The following PTPRA variants were observed in gnomAD, a reference collection of about 807,000 sequenced individuals.
The protein encoded by PTPRA is receptor-type tyrosine-protein phosphatase alpha.
A neutral mutation model predicts 104.8 loss-of-function variants in PTPRA; 25 were observed. The ratio of observed to expected loss-of-function variants is 0.24; its 90% CI spans 0.17 to 0.33. PTPRA has a LOEUF of 0.33. Among genes scored for constraint, PTPRA ranks in the 10% least tolerant of loss-of-function variants. The probability of loss-of-function intolerance (pLI) is 1.00; values close to 1 mark genes in which losing one functional copy is unlikely to be tolerated. For missense variants in PTPRA, 765 were observed against 1,015.3 expected (o/e 0.75, Z 3.35); for synonymous variants, 323 against 368.9 (o/e 0.88, Z 1.43).
At chr20:2,948,165 T>G in intron 3 of PTPRA, 141 bp downstream of exon 3, 1 of 380,850 alleles carries the variant, frequency 2.6e-6, no homozygotes, top group Non-Finnish European at 4.9e-6. Flanking sequence ...TGCATTTTAC[T>G]GAGACCGATA....
At chr20:2,865,260 G>A in the PTPRA span, 1 of 1,614,140 alleles carries the variant, frequency 6.2e-7, no homozygotes, top group Admixed American at 1.7e-5. This position sits in a 1 kb window ranked among gnomAD's most constrained non-coding sequence, Gnocchi z 5.2. Flanking sequence ...CTCATTCTTG[G>A]CGGTCACAAC....
intron 1 of PTPRA, among the ~76,000 whole-genome samples, chr20:2,891,987 A>C (rs889525038): frequency 2.6e-5 from 4 of 152,000 alleles, no homozygotes; most frequent in Non-Finnish European, 4.4e-5. Context: ...TGTGCAACCC[A>C]CAGATAGAGA....
intron 3 of PTPRA, among the ~76,000 whole-genome samples, chr20:2,957,183 G>T (rs1014994747): frequency 2.0e-5 from 3 of 152,206 alleles, no homozygotes; most frequent in African/African-American, 7.2e-5. Context: ...TACTCGGAAG[G>T]CTGAGGCAGG....
rs753461871 is a variant in PTPRA, at chr20:3,015,832, C to A, written c.907-17C>A. 3 of 1,539,552 alleles carry A rather than the reference C, an allele frequency of 1.9e-6. No individual in the cohort carries two copies. Among genetic ancestry groups the A allele is most frequent in the Non-Finnish European group, 2.7e-6 (3 of 1,115,416 alleles). On this transcript the variant is annotated splice_polypyrimidine_tract_variant and intron_variant, in intron 11 of 23. Coordinates refer to ENST00000399903, the MANE Select transcript of PTPRA (RefSeq NM_001385305.1). ...TTTGGTTTTCTCTTTCTTTTTCTTT[C>A]CTTCCCCACACCCCAGGGCTACCAA...
intron 20 of PTPRA, among the ~76,000 whole-genome samples, chr20:3,029,116 A>ATT (rs11475978): frequency 2.4e-4 from 8 of 33,468 alleles, no homozygotes; most frequent in African/African-American, 1.3e-3. Context: ...TTACATCAGG[A>ATT]TTTTTTTTTT....
At chr20:2,984,167 C>G (rs1302101023) in intron 6 of PTPRA, among the ~76,000 whole-genome samples, 1 of 152,142 alleles carries the variant, frequency 6.6e-6, no homozygotes, top group Non-Finnish European at 1.5e-5. Flanking sequence ...TTACCATTAA[C>G]AAAGAAGCGT....
intron 1 of PTPRA, among the ~76,000 whole-genome samples, chr20:2,897,726 C>T (rs1337623363): frequency 6.6e-6 from 1 of 151,958 alleles, no homozygotes; most frequent in Non-Finnish European, 1.5e-5. Flanking sequence ...AGCTTTCTCT[C>T]TCTGGTTTTT....
the PTPRA span, chr20:2,866,448 A>T: frequency 3.7e-6 from 6 of 1,614,196 alleles, no homozygotes; most frequent in Admixed American, 5.0e-5. Flanking sequence ...CTCAGGCTGC[A>T]GATGTGGCCA....
At chr20:2,899,811 A>G (rs1023903446) in intron 1 of PTPRA, among the ~76,000 whole-genome samples, 4 of 152,076 alleles carry the variant, frequency 2.6e-5, no homozygotes, top group African/African-American at 9.7e-5. Flanking sequence ...CTTTTCTGAC[A>G]TTGAAAAATC....
At chr20:2,910,393 T>TA (rs2059652524) in intron 1 of PTPRA, among the ~76,000 whole-genome samples, 6 of 108,834 alleles carry the variant, frequency 5.5e-5, no homozygotes, top group Admixed American at 4.5e-4. Context: ...ATATATTTTA[T>TA]ATATAATATA....
rs1568714483 is a variant in PTPRA at position 3,038,295 on chromosome 20, T to TTAG, written c.*163_*165dup. ...GGTGGAAATTTTATATGTAAATGTG[T>TTAG]TAGCACTGATAGTCCTTTTTCCAAT... On this transcript the variant is annotated 3_prime_UTR_variant, in exon 24 of 24. Coordinates refer to ENST00000399903, the MANE Select transcript of PTPRA (RefSeq NM_001385305.1). The TTAG allele has an allele frequency of 6.6e-6, 4 of 604,378 alleles. No homozygotes were observed. Among genetic ancestry groups the TTAG allele is most frequent in the South Asian group, 2.1e-5 (1 of 47,688 alleles). The allele number at this position is 604,378 out of a possible 1,614,324, so 37.4% of individuals were successfully genotyped here.
At chr20:2,941,676 A>G (rs1200074501) in intron 2 of PTPRA, among the ~76,000 whole-genome samples, 1 of 152,194 alleles carries the variant, frequency 6.6e-6, no homozygotes, top group Non-Finnish European at 1.5e-5. Flanking sequence ...TACCCTGTAT[A>G]CATCTCCAGC....
chr20:2,938,467 C>G (rs1056350421), intron 2 of PTPRA, among the ~76,000 whole-genome samples: 8 of 151,984 alleles, frequency 5.3e-5, no homozygotes, highest in East Asian at 1.9e-4. Context: ...ATTACAGATG[C>G]GAGCCACCGT....
chr20:2,948,107 C>T (rs758607073), intron 3 of PTPRA, 83 bp downstream of exon 3: 6 of 653,760 alleles, frequency 9.2e-6, no homozygotes, highest in African/African-American at 1.9e-5. Context: ...GGCTACTTAG[C>T]AAGCTGCTTA....
chr20:3,007,265 T>C lies in PTPRA; in HGVS notation c.830-79T>C. The stretch of plus-strand genomic sequence containing the variant: ...GAGTCTGTGCACATAGGCACAGATG[T>C]CTCAACTGTCCTGGTTGCGTCAGGT... On this transcript the variant is annotated intron_variant, in intron 10 of 23. Coordinates refer to ENST00000399903, the MANE Select transcript of PTPRA (RefSeq NM_001385305.1). 2.2e-6 allele frequency: 3 copies of C among 1,366,870 alleles called. No homozygotes were observed. The Admixed American group carries it at 5.1e-5, about 23-fold the overall frequency. 84.7% of individuals were successfully genotyped at this position (1,366,870 alleles called of 1,614,324 possible).
chr20:2,955,396 G>A (rs1046626835), intron 3 of PTPRA, among the ~76,000 whole-genome samples: 12 of 152,166 alleles, frequency 7.9e-5, no homozygotes, highest in Non-Finnish European at 1.5e-4. Flanking sequence ...GTTTTAGGTG[G>A]AACTTAGAAG....
intron 12 of PTPRA, 59 bp from the exon 13 acceptor site, chr20:3,017,757 C>T: frequency 6.8e-7 from 1 of 1,464,202 alleles, no homozygotes; most frequent in Non-Finnish European, 9.6e-7. Flanking sequence ...TGTTCCCAGC[C>T]TCCCAGCATC....
chr20:2,909,906 C>CATTT (rs1555801814), intron 1 of PTPRA, among the ~76,000 whole-genome samples: 28 of 124,986 alleles, frequency 2.2e-4, no homozygotes, highest in African/African-American at 8.9e-4. Context: ...TAATATATGA[C>CATTT]ATATATATGT....
intron 9 of PTPRA, among the ~76,000 whole-genome samples, chr20:3,002,686 C>A (rs2063690658): frequency 6.6e-6 from 1 of 152,198 alleles, no homozygotes; most frequent in Non-Finnish European, 1.5e-5. Context: ...CTTGTATCAT[C>A]ATTTTTCCAT....
Sources: gnomAD v4.1 joint callset for allele counts (sites outside exome capture counted in the v4.1 genomes callset) on GRCh38, gnomAD v4.1.1 for gene constraint, Gnocchi (gnomAD v3.1) non-coding constraint, MANE v1.5 for transcripts, NCBI Gene and HGNC (gene_info 2026-07-23, HGNC 2026-07-21) for gene names.